The following CACNA2D1 variants were observed in gnomAD, a reference collection of about 807,000 sequenced individuals.
The protein encoded by CACNA2D1 is voltage-dependent calcium channel subunit alpha-2/delta-1.
CACNA2D1 carries 53 observed loss-of-function variants against 171.5 expected under a neutral mutation model. That is an observed-to-expected ratio of 0.31 (90% CI 0.25 to 0.39). The LOEUF is 0.39. Among genes scored for constraint, CACNA2D1 ranks in the 10% least tolerant of loss-of-function variants. The pLI is 1.00. For synonymous variants in CACNA2D1, 442 were observed against 443.1 expected, an observed-to-expected ratio of 1.00 and a Z score of 0.03; for missense variants, 903 against 1,299.8, an observed-to-expected ratio of 0.69 and a Z score of 4.69.
intron 3 of CACNA2D1, among the ~76,000 whole-genome samples, chr7:82,260,605 G>A (rs1354641592): frequency 6.6e-6 from 1 of 152,076 alleles, no homozygotes; most frequent in Non-Finnish European, 1.5e-5. Flanking sequence ...TTTTACATAT[G>A]GCGTCCCATC....
rs1477082124 is a variant in CACNA2D1 at position 81,961,987 on chromosome 7, G to C, written c.2873C>G (p.Ser958Cys). ...TTGTTCAGTAATGCAGCTCTGCTTGGACAGGGAGGCCGTGAAGTCATCATC... is the reference window on the plus strand; with the variant it reads ...TTGTTCAGTAATGCAGCTCTGCTTGCACAGGGAGGCCGTGAAGTCATCATC... ...MEDDDFTASL[S>C]KQSCITEQTQ... is the part of the protein sequence containing the mutation. Residue 958 changes from serine (S) to cysteine (C), a missense_variant, in exon 36 of 39, where the codon TCC becomes TGC. Ser to Cys is a moderately radical substitution (Grantham distance 112). Transcript: ENST00000356860. 6.2e-7 allele frequency: 1 copy of C among 1,612,394 alleles called. No individual in the cohort carries two copies. The highest frequency in any genetic ancestry group is 8.5e-7 in the Non-Finnish European group (1 of 1,179,018).
intron 3 of CACNA2D1, among the ~76,000 whole-genome samples, chr7:82,332,755 T>G (rs1396783607): frequency 6.6e-6 from 1 of 152,144 alleles, no homozygotes; most frequent in Non-Finnish European, 1.5e-5. Context: ...ATCCCAGCAC[T>G]TTGGGAGGCC....
At chr7:82,135,308 A>C (rs1486130342) in intron 5 of CACNA2D1, among the ~76,000 whole-genome samples, 1 of 152,058 alleles carries the variant, frequency 6.6e-6, no homozygotes, top group African/African-American at 2.4e-5. Context: ...ATAATGGTGA[A>C]ACTAAACATC....
intron 3 of CACNA2D1, among the ~76,000 whole-genome samples, chr7:82,289,586 A>G (rs1811267107): frequency 6.6e-6 from 1 of 152,236 alleles, no homozygotes; most frequent in African/African-American, 2.4e-5. Flanking sequence ...AAAAAATTAA[A>G]TATGACTCTC....
chr7:82,092,198 C>A (rs1811254534), intron 6 of CACNA2D1, among the ~76,000 whole-genome samples: 1 of 152,140 alleles, frequency 6.6e-6, no homozygotes, highest in Non-Finnish European at 1.5e-5. Flanking sequence ...ATTCCTTCTG[C>A]TTAATCTCCT....
At chr7:82,343,326 T>C (rs1818895428) in intron 2 of CACNA2D1, 1 of 152,206 alleles carries the variant, frequency 6.6e-6, no homozygotes, top group Non-Finnish European at 1.5e-5. Flanking sequence ...CCCTAGCTCC[T>C]ATTAACAAGA....
chr7:82,028,322 T>C (rs1166109974), intron 12 of CACNA2D1: 1 of 151,716 alleles, frequency 6.6e-6, no homozygotes, highest in Non-Finnish European at 1.5e-5. Context: ...AGCCCACTAT[T>C]GAAACATATG....
chr7:82,082,198 C>A lies in CACNA2D1; in HGVS notation c.658+2571G>T, dbSNP rs1809878347. ...GCTTCCTGATGTATGGGGCAGCTGT[C>A]CTCCACCAGCGGAGGGCAGAGGACC... On this transcript the variant is annotated intron_variant, in intron 7 of 38. Transcript: ENST00000356860. Among the ~76,000 whole-genome samples the A allele has an allele frequency of 2.0e-5, 3 of 152,132 alleles. No individual in the cohort carries two copies. The South Asian group carries it at 6.2e-4, about 31-fold the overall frequency.
chr7:82,282,366 T>C (rs1810225465), intron 3 of CACNA2D1, among the ~76,000 whole-genome samples: 1 of 152,166 alleles, frequency 6.6e-6, no homozygotes, highest in South Asian at 2.1e-4. Context: ...CACCGAGTGA[T>C]CTAGGGAAGT....
intron 3 of CACNA2D1, among the ~76,000 whole-genome samples, chr7:82,272,480 G>A (rs1225321782): frequency 5.3e-5 from 8 of 152,142 alleles, no homozygotes. Context: ...AGGATAGCAC[G>A]CAACGTAAGA....
At chr7:82,239,423 C>T (rs1803989235) in intron 3 of CACNA2D1, among the ~76,000 whole-genome samples, 1 of 152,004 alleles carries the variant, frequency 6.6e-6, no homozygotes, top group Non-Finnish European at 1.5e-5. Flanking sequence ...CCCCACGTCC[C>T]TGAAAAAATC....
At chr7:82,344,558 T>C (rs566009318) in intron 2 of CACNA2D1, among the ~76,000 whole-genome samples, 3 of 152,142 alleles carry the variant, frequency 2.0e-5, no homozygotes, top group African/African-American at 7.2e-5. Context: ...TCTTTGAAAA[T>C]GAATGTAATT....
chr7:82,420,820 T>C (rs1828648292), intron 1 of CACNA2D1, among the ~76,000 whole-genome samples: 2 of 149,920 alleles, frequency 1.3e-5, no homozygotes, highest in South Asian at 4.2e-4. Context: ...AGAAAAATCA[T>C]AGCGAGCAGG....
chr7:82,292,596 T>C, intron 3 of CACNA2D1, among the ~76,000 whole-genome samples: 1 of 152,194 alleles, frequency 6.6e-6, no homozygotes, highest in Admixed American at 6.5e-5. Context: ...GTATTTCACA[T>C]TGTCTTTAGC....
At chr7:82,250,006 C>T (rs1319514043) in intron 3 of CACNA2D1, among the ~76,000 whole-genome samples, 2 of 152,178 alleles carry the variant, frequency 1.3e-5, no homozygotes, top group African/African-American at 4.8e-5. Flanking sequence ...ACTGTCAAGT[C>T]CCAGAGCATG....
At chr7:82,203,543 T>C (rs1383166289) in intron 3 of CACNA2D1, among the ~76,000 whole-genome samples, 1 of 152,180 alleles carries the variant, frequency 6.6e-6, no homozygotes, top group Non-Finnish European at 1.5e-5. Context: ...CCTAGAATTA[T>C]GATGGTGCGG....
At chr7:81,985,807 G>A (rs1796906883) in intron 21 of CACNA2D1, among the ~76,000 whole-genome samples, 1 of 152,088 alleles carries the variant, frequency 6.6e-6, no homozygotes, top group African/African-American at 2.4e-5. Context: ...CTAGTCTTAC[G>A]GTAGATGTCC....
intron 1 of CACNA2D1, among the ~76,000 whole-genome samples, chr7:82,409,131 G>A (rs1225012499): frequency 1.3e-5 from 2 of 151,822 alleles, no homozygotes; most frequent in African/African-American, 2.4e-5. Context: ...TCCCCAGCTT[G>A]TAATTACTTG....
At chr7:82,075,342 G>A (rs189736840) in intron 7 of CACNA2D1, among the ~76,000 whole-genome samples, 1 of 152,200 alleles carries the variant, frequency 6.6e-6, no homozygotes, top group East Asian at 1.9e-4. Flanking sequence ...CAGTCAACAG[G>A]GAAAAGTCGG....
Sources: allele counts gnomAD v4.1 joint callset (sites outside exome capture counted in the v4.1 genomes callset), GRCh38; gene constraint gnomAD v4.1.1; transcripts MANE v1.5; gene names NCBI Gene and HGNC (gene_info 2026-07-23, HGNC 2026-07-21).